The following FBXO39 variants were observed in gnomAD, a reference collection of about 807,000 sequenced individuals.
FBXO39 encodes F-box only protein 39.
Under a neutral mutation model 36.6 loss-of-function variants are expected in FBXO39, and 22 were observed. The observed-to-expected ratio is 0.60, with a 90% CI of 0.43 to 0.86. The LOEUF is 0.86. Ranked by LOEUF, FBXO39 falls within the 40% of genes least tolerant of loss-of-function variation. The pLI is 0.00. For synonymous variants in FBXO39, 206 were observed against 205.8 expected (o/e 1.00, Z -0.01); for missense variants, 536 against 543.9 (o/e 0.99, Z 0.14).
chr17:6,784,162 G>A (rs1182209201), intron 2 of FBXO39, among the ~76,000 whole-genome samples: 1 of 151,922 alleles, frequency 6.6e-6, no homozygotes, highest in Non-Finnish European at 1.5e-5. Context: ...AGAACAAAAA[G>A]CATATGATTA....
chr17:6,786,352 G>A (rs976449510), intron 2 of FBXO39, among the ~76,000 whole-genome samples: 1 of 152,068 alleles, frequency 6.6e-6, no homozygotes, highest in Non-Finnish European at 1.5e-5. Context: ...GGCTGGGAAG[G>A]GTAGTAGGGG....
chr17:6,779,661 T>A, intron 1 of FBXO39, 128 bp from the exon 2 acceptor site: 1 of 591,872 alleles, frequency 1.7e-6, no homozygotes, highest in Non-Finnish European at 3.0e-6. Context: ...GACTGTGTCA[T>A]GAATGTATCA....
intron 1 of FBXO39, among the ~76,000 whole-genome samples, chr17:6,776,986 C>A (rs974465872): frequency 9.2e-5 from 14 of 152,094 alleles, no homozygotes; most frequent in African/African-American, 2.7e-4. Flanking sequence ...AGCAACTCTT[C>A]CAGACACACA....
intron 2 of FBXO39, among the ~76,000 whole-genome samples, chr17:6,783,848 AC>A (rs1361520522): frequency 6.6e-6 from 1 of 152,098 alleles, no homozygotes; most frequent in African/African-American, 2.4e-5. Flanking sequence ...AAGAACTAAT[AC>A]CAATCCTACT....
chr17:6,778,914 A>G (rs906749), intron 1 of FBXO39, among the ~76,000 whole-genome samples: 61,621 of 151,836 alleles, frequency 0.41, 14,577 homozygotes, highest in African/African-American at 0.67. Context: ...TTCCCACCAC[A>G]ATGCCTGGAC....
Position 6,787,539 on chromosome 17 carries a change from CT to C in FBXO39, c.*122del, listed in dbSNP as rs753949794. On this transcript the variant is annotated 3_prime_UTR_variant, in exon 4 of 4. Coordinates refer to ENST00000321535, the MANE Select transcript of FBXO39 (RefSeq NM_153230.3). ...CTTTTGCTCCTCTCTCTCCCCTCCA[CT>C]TTTTTTTTTTGTCAGCTCCATGACA... is the stretch of plus-strand genomic sequence containing the variant. 20,344 of 1,034,006 alleles carry C rather than the reference CT, an allele frequency of 0.02. 11 individuals are homozygous for C. The highest frequency in any genetic ancestry group is 0.032 in the African/African-American group (1,761 of 54,776). The allele number at this position is 1,034,006 out of a possible 1,614,324, so 64.1% of individuals were successfully genotyped here.
At chr17:6,784,813 G>A (rs569174842) in intron 2 of FBXO39, among the ~76,000 whole-genome samples, 2 of 151,966 alleles carry the variant, frequency 1.3e-5, no homozygotes, top group South Asian at 4.1e-4. Flanking sequence ...AAGAATCAAT[G>A]TTGTCAAAAT....
chr17:6,777,936 A>G (rs1354613108), intron 1 of FBXO39, among the ~76,000 whole-genome samples: 1 of 152,328 alleles, frequency 6.6e-6, no homozygotes, highest in Admixed American at 6.5e-5. Flanking sequence ...CAGGGGCCAA[A>G]TCAGTGAGTG....
In FBXO39 at chr17:6,779,645, G is replaced by A. The variant is rs1976478351; in HGVS notation, c.-80-144G>A. On this transcript the variant is annotated intron_variant, in intron 1 of 3. Transcript: ENST00000321535. ...CTGGATAGACTGTGAAATCCTTGCAGGTGTGGACTGTGTCATGAATGTATC... is the reference window on the plus strand; with the variant it reads ...CTGGATAGACTGTGAAATCCTTGCAAGTGTGGACTGTGTCATGAATGTATC... The A allele has an allele frequency of 8.7e-6, 5 of 577,262 alleles. No individual in the cohort carries two copies. In the African/African-American group the frequency reaches 9.4e-5, roughly 11 times the overall value. The allele number at this position is 577,262 out of a possible 1,614,324, so 35.8% of individuals were successfully genotyped here.
chr17:6,778,709 G>T (rs1976464318), intron 1 of FBXO39, among the ~76,000 whole-genome samples: 1 of 152,178 alleles, frequency 6.6e-6, no homozygotes, highest in Non-Finnish European at 1.5e-5. Flanking sequence ...GAGTTTTTAG[G>T]CAAATGAAAC....
chr17:6,784,547 G>C (rs1976543556), intron 2 of FBXO39, among the ~76,000 whole-genome samples: 1 of 132,210 alleles, frequency 7.6e-6, no homozygotes, highest in Admixed American at 7.4e-5. Flanking sequence ...AAAACTATCA[G>C]CTAAACAAAT....
intron 1 of FBXO39, among the ~76,000 whole-genome samples, chr17:6,777,194 A>G (rs1000160957): frequency 2.0e-5 from 3 of 152,012 alleles, no homozygotes; most frequent in African/African-American, 4.8e-5. Context: ...TGCACCCATC[A>G]ACCTGTCATC....
chr17:6,782,891 G>A (rs1349788388), intron 2 of FBXO39, among the ~76,000 whole-genome samples: 2 of 151,966 alleles, frequency 1.3e-5, no homozygotes, highest in African/African-American at 4.8e-5. Context: ...CAAAGAAACA[G>A]CAGACTTAAT....
At chr17:6,783,617 C>T (rs1242646156) in intron 2 of FBXO39, among the ~76,000 whole-genome samples, 4 of 152,004 alleles carry the variant, frequency 2.6e-5, no homozygotes, top group South Asian at 2.1e-4. Context: ...GAGCCTATAA[C>T]GAGCAACTAT....
In FBXO39 at chr17:6,780,828, C is replaced by T. The variant is rs2151573591; in HGVS notation, c.960C>T (p.Asp320=). ...GTCTGAGAAGCTGCTATTTCAGTGACCCAGACTGTTCAATGAGACCCACTC... is the reference window on the plus strand; with the variant it reads ...GTCTGAGAAGCTGCTATTTCAGTGATCCAGACTGTTCAATGAGACCCACTC... ...SISLRSCYFS[D]PDCSMRPTLI... is the part of the protein sequence containing the mutation. Residue 320 remains aspartate (D), a synonymous_variant, in exon 2 of 4, where the codon GAC becomes GAT. Transcript: ENST00000321535. 1 of 1,614,062 alleles carries T rather than the reference C, an allele frequency of 6.2e-7. No homozygotes were observed. Among genetic ancestry groups the T allele is most frequent in the Non-Finnish European group, 8.5e-7 (1 of 1,180,024 alleles).
chr17:6,783,045 C>CA (rs977781469), intron 2 of FBXO39, among the ~76,000 whole-genome samples: 1 of 151,932 alleles, frequency 6.6e-6, no homozygotes, highest in Non-Finnish European at 1.5e-5. Context: ...TTAAAACAGT[C>CA]AAAAAATTGA....
At chr17:6,784,680 A>G (rs1976544953) in intron 2 of FBXO39, among the ~76,000 whole-genome samples, 1 of 152,064 alleles carries the variant, frequency 6.6e-6, no homozygotes, top group South Asian at 2.1e-4. Context: ...TACAAATAAA[A>G]TTAAATACCT....
rs1297275880 is a variant in FBXO39, at chr17:6,787,366, A to G, written c.1267A>G (p.Lys423Glu). ...CAAGACCCTGCAGGAAATTTACAGGAAGTACAGAAAGCTGATCGAATCAGA... is the reference window on the plus strand; with the variant it reads ...CAAGACCCTGCAGGAAATTTACAGGGAGTACAGAAAGCTGATCGAATCAGA... ...EDKTLQEIYR[K>E]YRKLIESELS... The change falls in exon 4 of 4, where the codon AAG (lysine) becomes GAG (glutamate). Residue 423 changes from lysine (K) to glutamate (E), a missense_variant. Physicochemically the swap from Lys to Glu is moderately conservative, Grantham distance 56 (BLOSUM62 1). Coordinates refer to ENST00000321535, the MANE Select transcript of FBXO39 (RefSeq NM_153230.3). 1 of 1,614,108 alleles carries G rather than the reference A, an allele frequency of 6.2e-7. No homozygotes were observed. The highest frequency in any genetic ancestry group is 1.7e-5 in the Admixed American group (1 of 60,006).
Position 6,786,922 on chromosome 17 carries a change from A to G in FBXO39, c.1166A>G (p.Gln389Arg). The G allele has an allele frequency of 6.2e-7, 1 of 1,614,026 alleles. No individual in the cohort carries two copies. The highest frequency in any genetic ancestry group is 8.5e-7 in the Non-Finnish European group (1 of 1,179,936). The change falls in exon 3 of 4, where the codon CAG becomes CGG. Residue 389 changes from glutamine (Q) to arginine (R), a missense_variant. Gln to Arg is a conservative substitution (Grantham distance 43). Transcript: ENST00000321535. ...TTTGTGGAGCGGATCCTGAAGAGTC[A>G]GAAAGAACGGCAGTGTGCCCTGCGT... ...VSFVERILKS[Q>R]KERQCALRVF...
Sources: gnomAD v4.1 joint callset for allele counts (sites outside exome capture counted in the v4.1 genomes callset) on GRCh38, gnomAD v4.1.1 for gene constraint, MANE v1.5 for transcripts, NCBI Gene and HGNC (gene_info 2026-07-23, HGNC 2026-07-21) for gene names.